SHISA9: variants seen among roughly 807,000 people sequenced by gnomAD.
The protein encoded by SHISA9 is shisa family member 9, also known as protein shisa-9.
In SHISA9, 13 loss-of-function variants were observed where a neutral mutation model predicts 38.0. The observed-to-expected ratio is 0.34, with a 90% CI of 0.22 to 0.54. The LOEUF (loss-of-function observed/expected upper bound fraction) is 0.54, where lower values mean the gene tolerates loss of function less well. Among genes scored for constraint, SHISA9 ranks in the 20% least tolerant of loss-of-function variants. The pLI, the probability that SHISA9 is intolerant of heterozygous loss-of-function variation, is 0.91. For missense variants in SHISA9, 538 were observed against 575.8 expected (o/e 0.93, Z 0.67); for synonymous variants, 275 against 242.0 (o/e 1.14, Z -1.27).
intron 1 of SHISA9, chr16:12,910,429 C>T (rs2071167141): frequency 1.0e-6 from 1 of 982,286 alleles, no homozygotes; most frequent in African/African-American, 1.8e-5. Flanking sequence ...CCTTGAAGAG[C>T]AAACAGCCAA....
chr16:13,227,764 C>T (rs2014956), intron 4 of SHISA9, among the ~76,000 whole-genome samples: 28,237 of 152,122 alleles, frequency 0.19, 2,865 homozygotes, highest in Admixed American at 0.31. Context: ...CAACTCCCTC[C>T]TGATCAGATC....
At chr16:13,208,559 G>A (rs1377609350) in intron 3 of SHISA9, among the ~76,000 whole-genome samples, 2 of 150,796 alleles carry the variant, frequency 1.3e-5, no homozygotes, top group African/African-American at 2.4e-5. Flanking sequence ...CTCCTATTGA[G>A]AGAATTGGAC....
intron 2 of SHISA9, among the ~76,000 whole-genome samples, chr16:13,171,468 C>T (rs577385936): frequency 2.7e-5 from 4 of 149,286 alleles, no homozygotes; most frequent in Non-Finnish European, 4.4e-5. Flanking sequence ...GAATGACAGG[C>T]CATTGATACA....
intron 2 of SHISA9, among the ~76,000 whole-genome samples, chr16:12,953,124 G>T (rs1346084424): frequency 6.6e-6 from 1 of 151,716 alleles, no homozygotes; most frequent in Non-Finnish European, 1.5e-5. Context: ...AGATAGAGTG[G>T]TCAGGGGACA....
At chr16:12,935,196 G>C (rs565159416) in intron 2 of SHISA9, among the ~76,000 whole-genome samples, 1 of 152,246 alleles carries the variant, frequency 6.6e-6, no homozygotes, top group Non-Finnish European at 1.5e-5. Flanking sequence ...TGAGATGCTG[G>C]TCAGAAGAAG....
the SHISA9 span, among the ~76,000 whole-genome samples, chr16:13,361,034 A>G: frequency 6.6e-6 from 1 of 152,208 alleles, no homozygotes; most frequent in Non-Finnish European, 1.5e-5. Context: ...TCCTTGTCTT[A>G]GGTTCTCTTT....
chr16:13,424,258 T>C, the SHISA9 span, among the ~76,000 whole-genome samples: 2 of 152,264 alleles, frequency 1.3e-5, no homozygotes, highest in African/African-American at 4.8e-5. Flanking sequence ...GTGCTCCGCA[T>C]TGAGCTGGGC....
rs1171591847 is a variant in SHISA9 at position 13,236,833 on chromosome 16, C to T, written c.*1424C>T. ...TCAGATGTTTCTTGGTCCCGTAATT[C>T]CCATGGTCCCTCCAAATTACCTCCC... is the stretch of plus-strand genomic sequence containing the variant. On this transcript the variant is annotated 3_prime_UTR_variant, in exon 5 of 5. Coordinates refer to ENST00000558583, the MANE Select transcript of SHISA9 (RefSeq NM_001145204.3). 1.3e-5 allele frequency: 2 copies of T among 152,210 alleles called. No individual in the cohort carries two copies. Among genetic ancestry groups the T allele is most frequent in the African/African-American group, 4.8e-5 (2 of 41,434 alleles). 9.4% of individuals were successfully genotyped at this position (152,210 alleles called of 1,614,324 possible). A position where few individuals can be genotyped will look rare whatever the true frequency, so the allele number is the denominator to read the frequency against.
the SHISA9 span, among the ~76,000 whole-genome samples, chr16:13,519,836 A>G: frequency 1.3e-5 from 2 of 152,174 alleles, no homozygotes; most frequent in Non-Finnish European, 2.9e-5. Context: ...GTATGAAGGT[A>G]ACTACCCCCA....
At chr16:13,526,736 C>T in the SHISA9 span, among the ~76,000 whole-genome samples, 4 of 152,060 alleles carry the variant, frequency 2.6e-5, no homozygotes, top group African/African-American at 7.2e-5. Flanking sequence ...ATTAGCCTCA[C>T]CTTAGAATAT....
intron 2 of SHISA9, among the ~76,000 whole-genome samples, chr16:13,034,316 G>A (rs1340206756): frequency 6.6e-6 from 1 of 152,116 alleles, no homozygotes; most frequent in Non-Finnish European, 1.5e-5. Flanking sequence ...GCATCTCCTT[G>A]GGAATGACCC....
intron 2 of SHISA9, among the ~76,000 whole-genome samples, chr16:12,939,940 T>C (rs1381523806): frequency 6.6e-6 from 1 of 152,194 alleles, no homozygotes; most frequent in Admixed American, 6.5e-5. Context: ...TCCTCCTAGG[T>C]GATTCTGATG....
intron 2 of SHISA9, among the ~76,000 whole-genome samples, chr16:13,136,266 T>A (rs181111544): frequency 7.6e-4 from 116 of 152,236 alleles, no homozygotes; most frequent in African/African-American, 2.5e-3. Context: ...TAAGGTAGTC[T>A]GAGGATTAAA....
the SHISA9 span, among the ~76,000 whole-genome samples, chr16:13,413,171 C>A: frequency 3.8e-4 from 58 of 152,230 alleles, no homozygotes; most frequent in East Asian, 0.011. Flanking sequence ...CAAAAAGAGA[C>A]CCTCATAAAA....
At chr16:13,180,395 G>C (rs1325729702) in intron 2 of SHISA9, among the ~76,000 whole-genome samples, 2 of 152,164 alleles carry the variant, frequency 1.3e-5, no homozygotes, top group African/African-American at 2.4e-5. Context: ...TTGGTGCTTA[G>C]AGTGAAAAAG....
intron 4 of SHISA9, among the ~76,000 whole-genome samples, chr16:13,226,870 G>A (rs994919309): frequency 5.3e-5 from 8 of 152,178 alleles, no homozygotes; most frequent in Non-Finnish European, 1.0e-4. Flanking sequence ...GATTTCAAGA[G>A]CCTTAGAGTA....
At chr16:13,555,882 A>T in the SHISA9 span, among the ~76,000 whole-genome samples, 1 of 152,202 alleles carries the variant, frequency 6.6e-6, no homozygotes, top group African/African-American at 2.4e-5. Flanking sequence ...ACTTTGGGGA[A>T]TCAAATCTTA....
chr16:13,104,998 G>A (rs1176685713), intron 2 of SHISA9, among the ~76,000 whole-genome samples: 2 of 152,104 alleles, frequency 1.3e-5, no homozygotes, highest in African/African-American at 4.8e-5. Context: ...TCCATAAAAT[G>A]GGCGTAAATA....
intron 2 of SHISA9, among the ~76,000 whole-genome samples, chr16:13,123,150 A>G (rs1370769591): frequency 6.6e-6 from 1 of 151,316 alleles, no homozygotes; most frequent in Non-Finnish European, 1.5e-5. Context: ...GAGAACTAGG[A>G]TATCTATTTG....
Sources: allele counts gnomAD v4.1 joint callset (sites outside exome capture counted in the v4.1 genomes callset), GRCh38; gene constraint gnomAD v4.1.1; transcripts MANE v1.5; gene names NCBI Gene and HGNC (gene_info 2026-07-23, HGNC 2026-07-21).